VSTM4: variants seen among roughly 807,000 people sequenced by gnomAD.
VSTM4 encodes V-set and transmembrane domain containing 4, also known as V-set and transmembrane domain-containing protein 4.
In VSTM4, 20 loss-of-function variants were observed where a neutral mutation model predicts 36.4. That is an observed-to-expected ratio of 0.55 (90% CI 0.39 to 0.80). The LOEUF (loss-of-function observed/expected upper bound fraction) is 0.80, where lower values mean the gene tolerates loss of function less well. Among genes scored for constraint, VSTM4 ranks in the 30% least tolerant of loss-of-function variants. VSTM4 has a pLI of 0.00. For missense variants in VSTM4, 392 were observed against 404.5 expected (o/e 0.97, Z 0.26); for synonymous variants, 182 against 173.9 (o/e 1.05, Z -0.37).
At position 49,085,928 on chromosome 10, in the gene VSTM4, TA is replaced by T. The variant is rs374010764; in HGVS notation, c.526+26del. 2.2e-3 allele frequency: 3,150 copies of T among 1,437,812 alleles called. 47 individuals are homozygous for T. In the African/African-American group the frequency reaches 0.04, roughly 18 times the overall value. The allele number at this position is 1,437,812 out of a possible 1,614,324, so 89.1% of individuals were successfully genotyped here. The stretch of plus-strand genomic sequence containing the variant: ...AAAAGAAAAAGCAACTATAGAGCAA[TA>T]AAAAAAAGAAATATACAAGCTTTAC... On this transcript the variant is annotated intron_variant, in intron 3 of 7. Transcript: ENST00000332853.
rs377143030 is a variant in VSTM4 at position 49,047,084 on chromosome 10, C to T, written c.776-40G>A. The T allele has an allele frequency of 1.9e-5, 30 of 1,588,586 alleles. No homozygotes were observed. The African/African-American group carries it at 3.9e-4, about 21-fold the overall frequency. ...CAAGGGTTTAGCTTGCAGTTCCTCC[C>T]AGAACACTTAGTGGCCACACATTAT... On this transcript the variant is annotated intron_variant, in intron 6 of 7. Transcript: ENST00000332853.
chr10:49,098,881 G>A (rs1362983811), intron 2 of VSTM4, among the ~76,000 whole-genome samples: 1 of 152,224 alleles, frequency 6.6e-6, no homozygotes, highest in East Asian at 1.9e-4. Flanking sequence ...GCACGCAGTA[G>A]GTGTTTGATA....
rs147332758 is a variant in VSTM4 at position 49,077,586 on chromosome 10, A to T, written c.527-260T>A. 7.9e-5 allele frequency among the ~76,000 whole-genome samples: 12 copies of T among 152,342 alleles called. No homozygotes were observed. In the East Asian group the frequency reaches 2.1e-3, roughly 27 times the overall value. Reference sequence around the variant, plus strand: ...GGCGGAAGGACAGTTTCTTCAATCAATGGTGCTGGGTCAATGGGACTTCCA... The same window carrying T: ...GGCGGAAGGACAGTTTCTTCAATCATTGGTGCTGGGTCAATGGGACTTCCA... On this transcript the variant is annotated intron_variant, in intron 3 of 7. Transcript: ENST00000332853.
intron 2 of VSTM4, among the ~76,000 whole-genome samples, chr10:49,089,422 G>A (rs1307561801): frequency 2.6e-5 from 4 of 152,188 alleles, no homozygotes; most frequent in Admixed American, 1.3e-4. Flanking sequence ...ACCAACAGGT[G>A]CCTTCGGGTC....
chr10:49,081,036 TC>T (rs1468431253), intron 3 of VSTM4, among the ~76,000 whole-genome samples: 1 of 152,206 alleles, frequency 6.6e-6, no homozygotes, highest in African/African-American at 2.4e-5. Flanking sequence ...GCAACAGGAC[TC>T]TTGGATTCTG....
rs1306691482 is a variant in VSTM4 at position 49,050,064 on chromosome 10, G to GA, written c.669-1481_669-1480insT. ...GAGACAGCTCATCTTCCATCAGCAGGGACTAGTTGAGTAGATTATGGTGAA... is the reference window on the plus strand; with the variant it reads ...GAGACAGCTCATCTTCCATCAGCAGGAGACTAGTTGAGTAGATTATGGTGAA... On this transcript the variant is annotated intron_variant, in intron 5 of 7. Transcript: ENST00000332853. 2.6e-5 allele frequency among the ~76,000 whole-genome samples: 4 copies of GA among 151,754 alleles called. No homozygotes were observed. In the East Asian group the frequency reaches 7.7e-4, roughly 29 times the overall value.
At chr10:49,074,719 A>G (rs1391446035) in intron 4 of VSTM4, among the ~76,000 whole-genome samples, 1 of 152,186 alleles carries the variant, frequency 6.6e-6, no homozygotes, top group African/African-American at 2.4e-5. Flanking sequence ...TACTGGCTAG[A>G]GCTGTCTTGG....
intron 7 of VSTM4, among the ~76,000 whole-genome samples, chr10:49,035,517 C>A (rs574682168): frequency 1.2e-4 from 19 of 152,064 alleles, no homozygotes; most frequent in Non-Finnish European, 2.5e-4. Context: ...CTAAGGAGAG[C>A]TTAAGGAGCT....
intron 2 of VSTM4, among the ~76,000 whole-genome samples, chr10:49,092,197 A>G (rs1844487508): frequency 6.6e-6 from 1 of 152,222 alleles, no homozygotes; most frequent in African/African-American, 2.4e-5. Flanking sequence ...GGCTCTTATT[A>G]AAACGAAGAC....
intron 5 of VSTM4, among the ~76,000 whole-genome samples, chr10:49,049,757 T>G (rs1213996593): frequency 9.4e-5 from 1 of 10,622 alleles, no homozygotes; most frequent in Non-Finnish European, 2.2e-3. Flanking sequence ...ACTGACTTCT[T>G]TTTTTTTTTT....
chr10:49,065,957 C>T (rs1843965970), intron 4 of VSTM4, among the ~76,000 whole-genome samples: 1 of 151,842 alleles, frequency 6.6e-6, no homozygotes. Context: ...TCTATAGATG[C>T]AACAATAATA....
intron 3 of VSTM4, among the ~76,000 whole-genome samples, chr10:49,080,117 A>C (rs767243825): frequency 6.6e-6 from 1 of 152,226 alleles, no homozygotes; most frequent in Non-Finnish European, 1.5e-5. Flanking sequence ...CATGAACTTA[A>C]ACCTTAGTAC....
chr10:49,100,190 G>C (rs1420242101), intron 2 of VSTM4, among the ~76,000 whole-genome samples: 1 of 152,086 alleles, frequency 6.6e-6, no homozygotes. Flanking sequence ...AGTCTCTAAG[G>C]GTAGCTGTAT....
In VSTM4 at chr10:49,018,536, T is replaced by C. The variant is rs945946273; in HGVS notation, c.*1114A>G. ...GGGCAGTAAATAGCCACCCAGACTA[T>C]ACTCACATCAAGAAATGTCCTCAAT... On this transcript the variant is annotated 3_prime_UTR_variant, in exon 8 of 8. Coordinates refer to ENST00000332853, the MANE Select transcript of VSTM4 (RefSeq NM_001031746.5). 3.9e-5 allele frequency: 6 copies of C among 152,324 alleles called. No homozygotes were observed. The highest frequency in any genetic ancestry group is 1.2e-4 in the African/African-American group (5 of 41,564). 9.4% of individuals were successfully genotyped at this position (152,324 alleles called of 1,614,324 possible).
chr10:49,104,632 A>G (rs1047548274), intron 2 of VSTM4, among the ~76,000 whole-genome samples: 1 of 152,126 alleles, frequency 6.6e-6, no homozygotes, highest in African/African-American at 2.4e-5. Context: ...TCTTTCCATC[A>G]GCAAATCATG....
intron 2 of VSTM4, among the ~76,000 whole-genome samples, chr10:49,087,995 T>C (rs4393232): frequency 0.048 from 7,148 of 147,870 alleles, 460 homozygotes; most frequent in African/African-American, 0.14. Flanking sequence ...TATATGTGTA[T>C]ATACACATGT....
At chr10:49,092,817 C>T (rs1009991627) in intron 2 of VSTM4, among the ~76,000 whole-genome samples, 1 of 152,146 alleles carries the variant, frequency 6.6e-6, no homozygotes, top group Admixed American at 6.5e-5. Context: ...AAGACGCAAG[C>T]GGCTTGGTAG....
At chr10:49,076,638 G>A (rs890889239) in intron 4 of VSTM4, among the ~76,000 whole-genome samples, 1 of 152,104 alleles carries the variant, frequency 6.6e-6, no homozygotes, top group African/African-American at 2.4e-5. Context: ...TGTTCATAGA[G>A]ATATGAGAGT....
chr10:49,045,688 A>T (rs1280521106), intron 7 of VSTM4, among the ~76,000 whole-genome samples: 1 of 152,212 alleles, frequency 6.6e-6, no homozygotes, highest in Non-Finnish European at 1.5e-5. Context: ...GAGTCTGGAA[A>T]GGAGAAAATA....
Sources: allele counts gnomAD v4.1 joint callset (sites outside exome capture counted in the v4.1 genomes callset), GRCh38; gene constraint gnomAD v4.1.1; transcripts MANE v1.5; gene names NCBI Gene and HGNC (gene_info 2026-07-23, HGNC 2026-07-21).